Variants in CNTN4 observed in about 807,000 individuals in gnomAD.
CNTN4 encodes the protein contactin-4.
Under a neutral mutation model 122.5 loss-of-function variants are expected in CNTN4, and 77 were observed. The ratio of observed to expected loss-of-function variants is 0.63; its 90% CI spans 0.52 to 0.76. The LOEUF (loss-of-function observed/expected upper bound fraction) is 0.76. CNTN4 is among the 30% of genes least tolerant of loss of function. The probability of loss-of-function intolerance (pLI) is 0.00; values close to 1 mark genes in which losing one functional copy is unlikely to be tolerated. For missense variants in CNTN4, 1,256 were observed against 1,259.1 expected, an observed-to-expected ratio of 1.00 and a Z score of 0.04; for synonymous variants, 512 against 447.0, an observed-to-expected ratio of 1.15 and a Z score of -1.83.
At chr3:2,986,229 T>C (rs1694565341) in intron 13 of CNTN4, among the ~76,000 whole-genome samples, 1 of 152,160 alleles carries the variant, frequency 6.6e-6, no homozygotes, top group Non-Finnish European at 1.5e-5. Context: ...AAACACAATT[T>C]TAAAGATGAA....
chr3:2,510,358 C>T (rs995368715), intron 3 of CNTN4, among the ~76,000 whole-genome samples: 12 of 99,382 alleles, frequency 1.2e-4, no homozygotes, highest in Admixed American at 9.1e-4. Flanking sequence ...TGTAGATCAC[C>T]TGTTTGTTTG....
chr3:2,489,782 C>T (rs1216555737), intron 3 of CNTN4, among the ~76,000 whole-genome samples: 2 of 152,162 alleles, frequency 1.3e-5, no homozygotes, highest in African/African-American at 2.4e-5. Flanking sequence ...TAGTCTTTTT[C>T]TTCTTCCCTT....
At chr3:2,850,697 C>T (rs2150646925) in intron 7 of CNTN4, among the ~76,000 whole-genome samples, 1 of 152,332 alleles carries the variant, frequency 6.6e-6, no homozygotes, top group East Asian at 1.9e-4. Flanking sequence ...TTTCCCATGA[C>T]TCTCTTTGTT....
At chr3:2,633,444 T>A (rs986122116) in intron 4 of CNTN4, among the ~76,000 whole-genome samples, 1 of 152,208 alleles carries the variant, frequency 6.6e-6, no homozygotes, top group Non-Finnish European at 1.5e-5. Context: ...CATTGTCTGA[T>A]TGTAAATTGT....
chr3:2,217,565 G>A (rs922590583), intron 2 of CNTN4, among the ~76,000 whole-genome samples: 16 of 152,148 alleles, frequency 1.1e-4, no homozygotes, highest in African/African-American at 3.6e-4. Context: ...ATATTCCAAT[G>A]TCTTCTCCAT....
chr3:2,103,635 AG>A (rs1374044487), intron 2 of CNTN4, among the ~76,000 whole-genome samples: 25 of 152,204 alleles, frequency 1.6e-4, no homozygotes, highest in African/African-American at 6.0e-4. Flanking sequence ...TTTTGATCAA[AG>A]GTATTGCTCT....
chr3:2,099,335 T>C (rs2031693306), intron 1 of CNTN4: 1 of 152,368 alleles, frequency 6.6e-6, no homozygotes, highest in Admixed American at 6.5e-5. Context: ...GAGCCCGGAA[T>C]GCTGCGGGAA....
At chr3:2,533,655 A>G (rs1224381387) in intron 3 of CNTN4, among the ~76,000 whole-genome samples, 1 of 152,208 alleles carries the variant, frequency 6.6e-6, no homozygotes, top group Non-Finnish European at 1.5e-5. Context: ...ATACCCAGTA[A>G]TGGGATGGCT....
At chr3:2,970,302 G>A (rs1692773948) in intron 13 of CNTN4, among the ~76,000 whole-genome samples, 1 of 152,022 alleles carries the variant, frequency 6.6e-6, no homozygotes, top group Admixed American at 6.6e-5. Context: ...TAGCTATGTT[G>A]CCCAAGCTAG....
chr3:2,545,205 T>G (rs573219464), intron 3 of CNTN4, among the ~76,000 whole-genome samples: 10 of 152,230 alleles, frequency 6.6e-5, no homozygotes, highest in African/African-American at 1.9e-4. Flanking sequence ...TAGGATTGAT[T>G]TCTATTTTTG....
chr3:2,149,150 T>G (rs1574943337), intron 2 of CNTN4, among the ~76,000 whole-genome samples: 1 of 152,266 alleles, frequency 6.6e-6, no homozygotes, highest in Admixed American at 6.5e-5. Context: ...AGCTTTTGGG[T>G]CAGCTATTAG....
At chr3:2,616,020 C>CT (rs35080057) in intron 4 of CNTN4, among the ~76,000 whole-genome samples, 60,962 of 142,950 alleles carry the variant, frequency 0.43, 13,528 homozygotes, top group Non-Finnish European at 0.52. Context: ...CTCAGGCTGC[C>CT]TTTTTTTTTT....
At chr3:2,206,892 T>G (rs1019513678) in intron 2 of CNTN4, among the ~76,000 whole-genome samples, 1 of 141,662 alleles carries the variant, frequency 7.1e-6, no homozygotes, top group Non-Finnish European at 1.6e-5. Context: ...TTTTTTTTTT[T>G]TAAAGAATTT....
chr3:2,482,679 C>A (rs150847330), intron 3 of CNTN4, among the ~76,000 whole-genome samples: 1 of 152,168 alleles, frequency 6.6e-6, no homozygotes, highest in African/African-American at 2.4e-5. Context: ...CCAGCCACTC[C>A]GGCCGTGGCT....
intron 2 of CNTN4, among the ~76,000 whole-genome samples, chr3:2,119,297 C>G (rs2033567329): frequency 6.7e-6 from 1 of 149,686 alleles, no homozygotes; most frequent in South Asian, 2.1e-4. Context: ...TTCTTTCTGT[C>G]TCTCTCTCCG....
chr3:2,410,542 T>A (rs540460182), intron 3 of CNTN4, among the ~76,000 whole-genome samples: 1 of 152,310 alleles, frequency 6.6e-6, no homozygotes, highest in East Asian at 1.9e-4. Context: ...TGAAGATAAC[T>A]TTTTTATTAT....
intron 2 of CNTN4, among the ~76,000 whole-genome samples, chr3:2,182,297 CAT>C (rs1382497651): frequency 6.6e-6 from 1 of 151,900 alleles, no homozygotes; most frequent in Admixed American, 6.6e-5. Flanking sequence ...ACCCCACACA[CAT>C]ATACACATAT....
chr3:2,628,933 C>G (rs1037256164), intron 4 of CNTN4, among the ~76,000 whole-genome samples: 14 of 152,130 alleles, frequency 9.2e-5, no homozygotes, highest in African/African-American at 3.4e-4. Context: ...AGTTGTGTGG[C>G]AAATAGGTTA....
chr3:2,163,655 A>C (rs543404202), intron 2 of CNTN4, among the ~76,000 whole-genome samples: 3 of 152,130 alleles, frequency 2.0e-5, no homozygotes, highest in Admixed American at 1.3e-4. Flanking sequence ...GAAAAAAAAA[A>C]CTAATAATCC....
Sources: allele counts gnomAD v4.1 joint callset (sites outside exome capture counted in the v4.1 genomes callset), GRCh38; gene constraint gnomAD v4.1.1; transcripts MANE v1.5; gene names NCBI Gene and HGNC (gene_info 2026-07-23, HGNC 2026-07-21).